The following SH3GL2 variants were observed in gnomAD, a reference collection of about 807,000 sequenced individuals.
The protein encoded by SH3GL2 is endophilin-A1.
Under a neutral mutation model 46.0 loss-of-function variants are expected in SH3GL2, and 24 were observed. That is an observed-to-expected ratio of 0.52 (90% CI 0.38 to 0.73). SH3GL2 has a LOEUF of 0.73. SH3GL2 is among the 30% of genes least tolerant of loss of function. SH3GL2 has a pLI of 0.00. For missense variants in SH3GL2, 413 were observed against 424.2 expected (o/e 0.97, Z 0.23); for synonymous variants, 196 against 147.1 (o/e 1.33, Z -2.40).
intron 1 of SH3GL2, among the ~76,000 whole-genome samples, chr9:17,712,525 A>G (rs1821653887): frequency 6.6e-6 from 1 of 151,866 alleles, no homozygotes; most frequent in Admixed American, 6.6e-5. Flanking sequence ...GTTTCTGCAT[A>G]TGAACATCCA....
At chr9:17,585,140 C>G (rs73641989) in intron 1 of SH3GL2, among the ~76,000 whole-genome samples, 1,827 of 152,202 alleles carry the variant, frequency 0.012, 37 homozygotes, top group African/African-American at 0.042. Context: ...GTGCTGCATA[C>G]AGAGTCTCAG....
chr9:17,773,894 A>G (rs10738488), intron 3 of SH3GL2, among the ~76,000 whole-genome samples: 71,003 of 151,900 alleles, frequency 0.47, 17,221 homozygotes, highest in East Asian at 0.82. Flanking sequence ...AATAATGTTG[A>G]CATCTTAATA....
intron 1 of SH3GL2, among the ~76,000 whole-genome samples, chr9:17,593,947 C>A (rs1448100764): frequency 2.6e-5 from 4 of 152,138 alleles, no homozygotes; most frequent in Non-Finnish European, 5.9e-5. Context: ...CTCCTCACAC[C>A]CACATTTTCT....
At chr9:17,791,741 G>A (rs1168814770) in intron 7 of SH3GL2, among the ~76,000 whole-genome samples, 1 of 152,212 alleles carries the variant, frequency 6.6e-6, no homozygotes, top group East Asian at 1.9e-4. Context: ...GAGAGGTGAA[G>A]TAACTAGCCC....
At chr9:17,758,161 T>G (rs1823055135) in intron 2 of SH3GL2, among the ~76,000 whole-genome samples, 1 of 152,118 alleles carries the variant, frequency 6.6e-6, no homozygotes, top group Non-Finnish European at 1.5e-5. Flanking sequence ...TCCTTTCCCT[T>G]CTCTAGGCCA....
At chr9:17,643,148 C>G (rs1430654198) in intron 1 of SH3GL2, among the ~76,000 whole-genome samples, 1 of 152,118 alleles carries the variant, frequency 6.6e-6, no homozygotes, top group East Asian at 1.9e-4. Context: ...CTCTTTGTAG[C>G]AATTGTGAAT....
intron 2 of SH3GL2, chr9:17,755,801 C>T: frequency 1.0e-6 from 1 of 983,936 alleles, no homozygotes; most frequent in Non-Finnish European, 1.2e-6. Context: ...CACCTAAGTT[C>T]AGGAAATACC....
chr9:17,614,643 G>T (rs1167099771), intron 1 of SH3GL2, among the ~76,000 whole-genome samples: 1 of 152,146 alleles, frequency 6.6e-6, no homozygotes, highest in East Asian at 1.9e-4. Context: ...TGACAACCTT[G>T]TGAGCTGTAT....
chr9:17,716,365 T>C (rs192291850), intron 1 of SH3GL2, among the ~76,000 whole-genome samples: 1 of 152,294 alleles, frequency 6.6e-6, no homozygotes, highest in Non-Finnish European at 1.5e-5. Context: ...GAAACAGTTT[T>C]ATTCTTTTGG....
At chr9:17,652,444 G>C (rs1048228922) in intron 1 of SH3GL2, among the ~76,000 whole-genome samples, 1 of 151,800 alleles carries the variant, frequency 6.6e-6, no homozygotes, top group South Asian at 2.1e-4. Flanking sequence ...TGGAGTTTTT[G>C]TAATTTTTTG....
At chr9:17,628,408 T>TTGGG (rs1174514717) in intron 1 of SH3GL2, among the ~76,000 whole-genome samples, 2 of 125,168 alleles carry the variant, frequency 1.6e-5, no homozygotes, top group East Asian at 5.0e-4. Context: ...TAACTATATC[T>TTGGG]TGGGTGTGTG....
In SH3GL2 at chr9:17,652,621, C is replaced by T. The variant is rs137919590; in HGVS notation, c.45+73334C>T. 2.6e-3 allele frequency among the ~76,000 whole-genome samples: 395 copies of T among 152,116 alleles called. 1 individual carries two copies. Among genetic ancestry groups the T allele is most frequent in the African/African-American group, 8.9e-3 (368 of 41,490 alleles). On this transcript the variant is annotated intron_variant, in intron 1 of 8. Coordinates refer to ENST00000380607, the MANE Select transcript of SH3GL2 (RefSeq NM_003026.5). ...ACTATATATTATATAGAGTGAGTAT[C>T]CCTAATCCAAAAATGTAAAATCCAG...
intron 1 of SH3GL2, among the ~76,000 whole-genome samples, chr9:17,693,764 A>C (rs1821139942): frequency 6.6e-6 from 1 of 152,176 alleles, no homozygotes; most frequent in African/African-American, 2.4e-5. Context: ...CAGTGAACGA[A>C]ATGCCTGGCA....
intron 1 of SH3GL2, among the ~76,000 whole-genome samples, chr9:17,744,832 T>G (rs181285759): frequency 1.3e-3 from 203 of 152,244 alleles, no homozygotes; most frequent in Admixed American, 2.4e-3. Context: ...CCTAAATCTG[T>G]GAAGACTGCT....
At chr9:17,585,326 C>A (rs1481084582) in intron 1 of SH3GL2, among the ~76,000 whole-genome samples, 1 of 152,174 alleles carries the variant, frequency 6.6e-6, no homozygotes, top group Non-Finnish European at 1.5e-5. Flanking sequence ...AGCAATTCTT[C>A]TCAATTTAAG....
Position 17,600,491 on chromosome 9 carries a change from G to GT in SH3GL2, c.45+21208dup, listed in dbSNP as rs145552253. Reference sequence around the variant, plus strand: ...TTCTCAGTTAGATCTTCAGAGAACAGTTTTAATAAAGCTTTAATTATGGAG... The same window carrying GT: ...TTCTCAGTTAGATCTTCAGAGAACAGTTTTTAATAAAGCTTTAATTATGGAG... On this transcript the variant is annotated intron_variant, in intron 1 of 8. Transcript: ENST00000380607. 4.6e-5 allele frequency among the ~76,000 whole-genome samples: 7 copies of GT among 152,326 alleles called. No individual in the cohort carries two copies. The East Asian group carries it at 1.2e-3, about 25-fold the overall frequency.
intron 1 of SH3GL2, among the ~76,000 whole-genome samples, chr9:17,683,994 C>T (rs1820841080): frequency 6.6e-6 from 1 of 152,076 alleles, no homozygotes; most frequent in African/African-American, 2.4e-5. Context: ...ATACTACATA[C>T]CTCAGTCTCT....
chr9:17,634,005 G>A (rs1381436697), intron 1 of SH3GL2, among the ~76,000 whole-genome samples: 1 of 152,196 alleles, frequency 6.6e-6, no homozygotes, highest in East Asian at 1.9e-4. Flanking sequence ...AAAGCCTTGA[G>A]CTTAGTTGTG....
At chr9:17,636,439 T>C (rs150304423) in intron 1 of SH3GL2, among the ~76,000 whole-genome samples, 2 of 152,300 alleles carry the variant, frequency 1.3e-5, no homozygotes, top group East Asian at 1.9e-4. Context: ...GGAAACCTTA[T>C]GATATATAAC....
Sources: gnomAD v4.1 joint callset for allele counts (sites outside exome capture counted in the v4.1 genomes callset) on GRCh38, gnomAD v4.1.1 for gene constraint, MANE v1.5 for transcripts, NCBI Gene and HGNC (gene_info 2026-07-23, HGNC 2026-07-21) for gene names.